The following USP24 variants were observed in gnomAD, a reference collection of about 807,000 sequenced individuals.
USP24 encodes ubiquitin carboxyl-terminal hydrolase 24.
A neutral mutation model predicts 361.6 loss-of-function variants in USP24; 97 were observed. The ratio of observed to expected loss-of-function variants is 0.27; its 90% confidence interval spans 0.23 to 0.32. The LOEUF is 0.32. Among genes scored for constraint, USP24 ranks in the 10% least tolerant of loss-of-function variants. The probability of loss-of-function intolerance (pLI) is 1.00; values close to 1 mark genes in which losing one functional copy is unlikely to be tolerated. For missense variants in USP24, 2,353 were observed against 3,165.6 expected (o/e 0.74, Z 6.16); for synonymous variants, 1,098 against 1,124.6 (o/e 0.98, Z 0.47).
chr1:55,110,582 GAACT>G (rs1300551112), intron 38 of USP24, among the ~76,000 whole-genome samples: 2 of 152,112 alleles, frequency 1.3e-5, no homozygotes, highest in Non-Finnish European at 2.9e-5. Flanking sequence ...CAAATGCCTG[GAACT>G]GTTTTGGGAG....
intron 54 of USP24, 143 bp from the exon 55 acceptor site, chr1:55,089,883 GATACTTA>G (rs2100462569): frequency 6.9e-6 from 4 of 577,194 alleles, no homozygotes; most frequent in Non-Finnish European, 1.2e-5. Flanking sequence ...AGGGATAAGA[GATACTTA>G]ATGACTGCCC....
chr1:55,071,556 T>C (rs932808626), intron 67 of USP24: 62 of 1,285,792 alleles, frequency 4.8e-5, no homozygotes, highest in Non-Finnish European at 6.0e-5. Flanking sequence ...TCATCGGGAC[T>C]ACCTGCAGGC....
chr1:55,203,867 C>T (rs1174071751), intron 1 of USP24, among the ~76,000 whole-genome samples: 1 of 152,166 alleles, frequency 6.6e-6, no homozygotes, highest in Non-Finnish European at 1.5e-5. Context: ...AGTCTGGCTG[C>T]TCAATAGACA....
chr1:55,098,786 A>C (rs930441525), intron 45 of USP24, among the ~76,000 whole-genome samples: 1 of 152,190 alleles, frequency 6.6e-6, no homozygotes, highest in Non-Finnish European at 1.5e-5. Context: ...TAATGACAAG[A>C]GAGTGTTCTC....
intron 1 of USP24, among the ~76,000 whole-genome samples, chr1:55,191,931 T>G (rs1389701002): frequency 1.3e-5 from 2 of 152,234 alleles, no homozygotes; most frequent in African/African-American, 4.8e-5. Context: ...CCTTTCTGCA[T>G]CCTACCTTTC....
chr1:55,122,926 T>C (rs1447439189), intron 36 of USP24, among the ~76,000 whole-genome samples: 1 of 152,002 alleles, frequency 6.6e-6, no homozygotes, highest in Non-Finnish European at 1.5e-5. Flanking sequence ...AACATATAGA[T>C]GGAATTTAAA....
At position 55,137,567 on chromosome 1, in the gene USP24, C is replaced by G; in HGVS notation, c.3149G>C (p.Ser1050Thr). 1 of 1,613,378 alleles carries G rather than the reference C, an allele frequency of 6.2e-7. No homozygotes were observed. The highest frequency in any genetic ancestry group is 2.2e-5 in the East Asian group (1 of 44,852). ...AACCCCACTGCTGCTGCTGCTGGAG[C>G]TGGTTGAAGAATCTGCTGAACTCCC... is the stretch of plus-strand genomic sequence containing the variant. ...PSGSSADSST[S>T]SSSSSSGVFS... The change falls in exon 28 of 68, where the codon AGC becomes ACC. Residue 1050 changes from serine to threonine, a missense_variant. Physicochemically the swap from Ser to Thr is moderately conservative, Grantham distance 58. This residue lies in a region of USP24 where 949 missense variants were observed against 1,280.5 expected (regional missense o/e 0.74). Transcript: ENST00000294383.
At chr1:55,191,335 A>C (rs1005761449) in intron 1 of USP24, among the ~76,000 whole-genome samples, 7 of 152,242 alleles carry the variant, frequency 4.6e-5, no homozygotes, top group Non-Finnish European at 8.8e-5. Context: ...CCACAAATAC[A>C]AATGAAAATA....
chr1:55,157,142 T>C, intron 11 of USP24, 91 bp from the exon 12 acceptor site: 11 of 1,372,852 alleles, frequency 8.0e-6, no homozygotes, highest in Non-Finnish European at 1.1e-5. Context: ...TAACTTACTA[T>C]AAGATCATTT....
intron 1 of USP24, among the ~76,000 whole-genome samples, chr1:55,182,499 C>CAT (rs1644004074): frequency 2.0e-5 from 3 of 152,058 alleles, no homozygotes; most frequent in Admixed American, 1.3e-4. Context: ...CATGGGATAT[C>CAT]CATCATTAAT....
At chr1:55,120,250 T>C (rs1646241306) in intron 38 of USP24, among the ~76,000 whole-genome samples, 1 of 152,162 alleles carries the variant, frequency 6.6e-6, no homozygotes, top group African/African-American at 2.4e-5. Context: ...CTACAAGATA[T>C]CTGCACTGAA....
At chr1:55,193,557 G>A (rs560486120) in intron 1 of USP24, among the ~76,000 whole-genome samples, 2 of 152,130 alleles carry the variant, frequency 1.3e-5, no homozygotes, top group Non-Finnish European at 2.9e-5. Context: ...CATCTCCAGT[G>A]ACTGCAGTTA....
intron 10 of USP24, 91 bp from the exon 11 acceptor site, chr1:55,157,461 G>C (rs954495711): frequency 1.4e-6 from 1 of 738,538 alleles, no homozygotes; most frequent in African/African-American, 1.8e-5. Context: ...GTTACAATGT[G>C]CTTCAATAAC....
intron 1 of USP24, among the ~76,000 whole-genome samples, chr1:55,202,468 G>A (rs190417455): frequency 3.3e-5 from 5 of 151,604 alleles, no homozygotes; most frequent in African/African-American, 7.3e-5. Flanking sequence ...GCAGTGGTGC[G>A]ATCTCGGCTC....
intron 44 of USP24, 151 bp downstream of exon 44, chr1:55,100,688 C>A: frequency 2.7e-6 from 2 of 754,344 alleles, no homozygotes; most frequent in South Asian, 8.0e-5. Context: ...AACCAAGTAC[C>A]AATTTCAACA....
intron 1 of USP24, among the ~76,000 whole-genome samples, chr1:55,191,010 A>C (rs1413980060): frequency 6.6e-6 from 1 of 152,236 alleles, no homozygotes; most frequent in Non-Finnish European, 1.5e-5. Flanking sequence ...TTGAAAAATA[A>C]TTTTTATAAA....
chr1:55,213,998 C>T lies in USP24; in HGVS notation c.324+792G>A, dbSNP rs565999202. On this transcript the variant is annotated intron_variant, in intron 1 of 67. Coordinates refer to ENST00000294383, the MANE Select transcript of USP24 (RefSeq NM_015306.3). ...CTGACCTTATCGATGACCAGTACTC[C>T]CTCTTTACCCAGACCTGGTGCCAGC... Among the ~76,000 whole-genome samples, 4 of 152,098 alleles carry T rather than the reference C, an allele frequency of 2.6e-5. No individual in the cohort carries two copies. The South Asian group carries it at 8.3e-4, about 32-fold the overall frequency.
intron 28 of USP24, among the ~76,000 whole-genome samples, chr1:55,135,337 C>A (rs1646704336): frequency 6.6e-6 from 1 of 152,072 alleles, no homozygotes; most frequent in African/African-American, 2.4e-5. Context: ...GGCTGAGTAT[C>A]CCTAATTCAA....
intron 1 of USP24, among the ~76,000 whole-genome samples, chr1:55,193,457 T>C (rs1438021359): frequency 2.0e-5 from 3 of 152,174 alleles, no homozygotes; most frequent in African/African-American, 7.2e-5. Context: ...GAGGGTAACC[T>C]TCATTTAATA....
Sources: gnomAD v4.1 joint callset for allele counts (sites outside exome capture counted in the v4.1 genomes callset) on GRCh38, gnomAD v4.1.1 for gene constraint, gnomAD v4.1.1 regional missense constraint, MANE v1.5 for transcripts, NCBI Gene and HGNC (gene_info 2026-07-23, HGNC 2026-07-21) for gene names.